NCOR2: variants seen among roughly 807,000 people sequenced by gnomAD.
NCOR2 encodes CTG repeat protein 26.
NCOR2 carries 81 observed loss-of-function variants against 262.9 expected under a neutral mutation model. That is an observed-to-expected ratio of 0.31 (90% CI 0.26 to 0.37). The LOEUF (loss-of-function observed/expected upper bound fraction) is 0.37, where lower values mean the gene tolerates loss of function less well. Among genes scored for constraint, NCOR2 ranks in the 10% least tolerant of loss-of-function variants. NCOR2 has a pLI of 1.00. For synonymous variants in NCOR2, 1,659 were observed against 1,559.3 expected, an observed-to-expected ratio of 1.06 and a Z score of -1.51; for missense variants, 3,385 against 3,621.4, an observed-to-expected ratio of 0.93 and a Z score of 1.68.
chr12:124,491,321 C>T (rs376556675), intron 1 of NCOR2, among the ~76,000 whole-genome samples: 2 of 152,230 alleles, frequency 1.3e-5, no homozygotes, highest in African/African-American at 2.4e-5. Flanking sequence ...ATACCCTGTG[C>T]GAAGGACTCT....
rs545277883 is a variant in NCOR2, at chr12:124,389,638, G to A, written c.1877-3751C>T. On this transcript the variant is annotated intron_variant, in intron 16 of 46. Coordinates refer to ENST00000405201, the Ensembl canonical transcript of NCOR2. This position sits in a 1 kb window ranked among gnomAD's most constrained non-coding sequence, Gnocchi z 4.4. Reference sequence around the variant, plus strand: ...TGGCCTGATGCTGCCGAGGCTGACCGAGCCCTCTGTCGGGGACTGTGGGTG... The same window carrying A: ...TGGCCTGATGCTGCCGAGGCTGACCAAGCCCTCTGTCGGGGACTGTGGGTG... Among the ~76,000 whole-genome samples, 168 of 151,630 alleles carry A rather than the reference G, an allele frequency of 1.1e-3. No homozygotes were observed. The highest frequency in any genetic ancestry group is 3.7e-3 in the African/African-American group (153 of 41,360).
intron 38 of NCOR2, 55 bp downstream of exon 40, chr12:124,336,698 A>G: frequency 6.3e-7 from 1 of 1,595,200 alleles, no homozygotes; most frequent in Non-Finnish European, 8.5e-7. Context: ...ATCGTGAGCA[A>G]TTTGACGCAT....
intron 1 of NCOR2, among the ~76,000 whole-genome samples, chr12:124,493,000 C>T (rs559658194): frequency 3.2e-4 from 48 of 152,334 alleles, no homozygotes; most frequent in Admixed American, 3.0e-3. Flanking sequence ...CAAGGACAGA[C>T]ATGTTCTCAC....
At position 124,378,101 on chromosome 12, in the gene NCOR2, G is replaced by C. The variant is rs2040160755; in HGVS notation, c.2167+136C>G. ...TGGCAAGTCAGGCCCGCACCTTCCAGGGAGTCGAGGCCCCTTCTAAGGAGG... is the reference window on the plus strand; with the variant it reads ...TGGCAAGTCAGGCCCGCACCTTCCACGGAGTCGAGGCCCCTTCTAAGGAGG... On this transcript the variant is annotated intron_variant, in intron 18 of 46. Transcript: ENST00000405201. The surrounding 1 kb of genome is among the most constrained non-coding windows in gnomAD (Gnocchi z 4.2). 6.7e-7 allele frequency: 1 copy of C among 1,491,874 alleles called. No individual in the cohort carries two copies. Among genetic ancestry groups the C allele is most frequent in the African/African-American group, 1.4e-5 (1 of 71,324 alleles). The allele number at this position is 1,491,874 out of a possible 1,614,324, so 92.4% of individuals were successfully genotyped here.
At chr12:124,433,900 G>A (rs11057621) in intron 8 of NCOR2, among the ~76,000 whole-genome samples, 120,526 of 131,410 alleles carry the variant, frequency 0.92, 56,984 homozygotes, top group Non-Finnish European at 0.98. Context: ...ACACACACAC[G>A]CACACACACA....
At position 124,332,193 on chromosome 12, in the gene NCOR2, C is replaced by G. The variant is rs527779823; in HGVS notation, c.6904+126G>C. 6.6e-6 allele frequency: 8 copies of G among 1,220,180 alleles called. No individual in the cohort carries two copies. The East Asian group carries it at 1.7e-4, about 26-fold the overall frequency. 75.6% of individuals were successfully genotyped at this position (1,220,180 alleles called of 1,614,324 possible). A position where few individuals can be genotyped will look rare whatever the true frequency, so the allele number is the denominator to read the frequency against. On this transcript the variant is annotated intron_variant, in intron 43 of 46. Coordinates refer to ENST00000405201, the Ensembl canonical transcript of NCOR2. ...GGCAAAGGGCCTGGGGGGAGGTGGTCAGCAGGGCCACTTAGCTTTCGAAGG... is the reference window on the plus strand; with the variant it reads ...GGCAAAGGGCCTGGGGGGAGGTGGTGAGCAGGGCCACTTAGCTTTCGAAGG...
chr12:124,440,370 A>G lies in NCOR2; in HGVS notation c.816-2374T>C, dbSNP rs1470588902. Among the ~76,000 whole-genome samples, 1 of 152,102 alleles carries G rather than the reference A, an allele frequency of 6.6e-6. No individual in the cohort carries two copies. Among genetic ancestry groups the G allele is most frequent in the Non-Finnish European group, 1.5e-5 (1 of 67,998 alleles). On this transcript the variant is annotated intron_variant, in intron 7 of 46. Coordinates refer to ENST00000405201, the Ensembl canonical transcript of NCOR2. The surrounding 1 kb of genome is among the most constrained non-coding windows in gnomAD (Gnocchi z 5.7). ...TGGAATCCACCTCAGTCCCCGGGTC[A>G]TTCTGGTGGTGACTTGGCCAGGGCC...
intron 40 of NCOR2, 47 bp downstream of exon 42, chr12:124,335,088 C>A (rs1278107380): frequency 5.6e-6 from 9 of 1,611,430 alleles, no homozygotes; most frequent in Non-Finnish European, 7.6e-6. Flanking sequence ...AGGCCTGGTG[C>A]CCCCAGGTGC....
chr12:124,475,828 T>C (rs977771006), intron 3 of NCOR2, among the ~76,000 whole-genome samples: 5 of 152,078 alleles, frequency 3.3e-5, no homozygotes, highest in Admixed American at 1.3e-4. Context: ...ACGTCAGAAA[T>C]GGCCACACAT....
chr12:124,395,471 G>A (rs2041593037), intron 16 of NCOR2, among the ~76,000 whole-genome samples: 1 of 152,234 alleles, frequency 6.6e-6, no homozygotes, highest in Non-Finnish European at 1.5e-5. Context: ...ACTGAGCAGG[G>A]CCTCCGCGTG....
intron 18 of NCOR2, among the ~76,000 whole-genome samples, chr12:124,375,018 G>A (rs1334271538): frequency 6.6e-6 from 1 of 151,788 alleles, no homozygotes; most frequent in Non-Finnish European, 1.5e-5. Context: ...ATACAGGCCA[G>A]GCTCCGTGCC....
intron 13 of NCOR2, among the ~76,000 whole-genome samples, chr12:124,412,259 A>G (rs898464726): frequency 1.1e-4 from 16 of 152,194 alleles, no homozygotes; most frequent in African/African-American, 3.9e-4. Context: ...TGACACACAA[A>G]CTGCTTTGGT....
chr12:124,340,812 C>A, intron 34 of NCOR2, 61 bp from the exon 37 acceptor site: 1 of 1,418,854 alleles, frequency 7.0e-7, no homozygotes, highest in East Asian at 2.6e-5. Flanking sequence ...GGCTGCCCAC[C>A]GGCCAGATCA....
chr12:124,448,830 C>G (rs748448127), intron 7 of NCOR2, among the ~76,000 whole-genome samples: 1 of 152,220 alleles, frequency 6.6e-6, no homozygotes, highest in African/African-American at 2.4e-5. Context: ...ATCCCAGGAA[C>G]GCTTGAACAA....
intron 14 of NCOR2, 121 bp downstream of exon 16, chr12:124,402,283 C>A: frequency 6.5e-7 from 1 of 1,528,370 alleles, no homozygotes; most frequent in Middle Eastern, 2.4e-4. Context: ...GAAAGCCCTC[C>A]CCCCTGCTCA....
At position 124,433,871 on chromosome 12, in the gene NCOR2, C is replaced by CAA. The variant is rs1555222664; in HGVS notation, c.883-3085_883-3084insTT. Among the ~76,000 whole-genome samples the CAA allele has an allele frequency of 6.9e-3, 195 of 28,232 alleles. 9 individuals are homozygous for CAA. In the East Asian group the frequency reaches 0.18, roughly 26 times the overall value. 18.5% of individuals were successfully genotyped at this position (28,232 alleles called of 152,430 possible). ...ACACACACACACACACACACACACA[C>CAA]ACACACACACACACACACACACACA... On this transcript the variant is annotated intron_variant, in intron 8 of 46. Coordinates refer to ENST00000405201, the Ensembl canonical transcript of NCOR2.
At chr12:124,557,449 G>A (rs888939499) in intron 1 of NCOR2, among the ~76,000 whole-genome samples, 6 of 152,136 alleles carry the variant, frequency 3.9e-5, no homozygotes, top group African/African-American at 1.4e-4. Flanking sequence ...CTCCATTATC[G>A]CACGGCCTTC....
At position 124,369,156 on chromosome 12, in the gene NCOR2, GC is replaced by G. The variant is rs762882682; in HGVS notation, c.2807+2865del. Among the ~76,000 whole-genome samples, 156 of 152,192 alleles carry G rather than the reference GC, an allele frequency of 1.0e-3. 1 individual carries two copies. Among genetic ancestry groups the G allele is most frequent in the Admixed American group, 3.9e-3 (59 of 15,290 alleles). On this transcript the variant is annotated intron_variant, in intron 20 of 46. Transcript: ENST00000405201. ...AGGCTTGGGGGAGGGGACTCCCAAGGCCAGGCCCTGCCAAAAAAGCACCCAG... is the reference window on the plus strand; with the variant it reads ...AGGCTTGGGGGAGGGGACTCCCAAGGCAGGCCCTGCCAAAAAAGCACCCAG...
chr12:124,546,246 C>T (rs1158878210), intron 1 of NCOR2, among the ~76,000 whole-genome samples: 1 of 152,200 alleles, frequency 6.6e-6, no homozygotes, highest in Non-Finnish European at 1.5e-5. Flanking sequence ...GCTCAGTGAG[C>T]GAATGCCTGC....
Sources: gnomAD v4.1 joint callset for allele counts (sites outside exome capture counted in the v4.1 genomes callset) on GRCh38, gnomAD v4.1.1 for gene constraint, Gnocchi (gnomAD v3.1) non-coding constraint, MANE v1.5 for transcripts, NCBI Gene and HGNC (gene_info 2026-07-23, HGNC 2026-07-21) for gene names.